SKIDA1: variants seen among roughly 807,000 people sequenced by gnomAD.
The protein encoded by SKIDA1 is SKI/DACH domain containing 1, also known as SKI/DACH domain-containing protein 1.
In SKIDA1, 18 loss-of-function variants were observed where a neutral mutation model predicts 51.4. That is an observed-to-expected ratio of 0.35 (90% CI 0.24 to 0.52). SKIDA1 has a LOEUF of 0.52. SKIDA1 is among the 20% of genes least tolerant of loss of function. The pLI is 0.95. For missense variants in SKIDA1, 1,104 were observed against 1,180.6 expected, an observed-to-expected ratio of 0.94 and a Z score of 0.95; for synonymous variants, 579 against 500.5, an observed-to-expected ratio of 1.16 and a Z score of -2.09.
At position 21,518,002 on chromosome 10, in the gene SKIDA1, G is replaced by A. The variant is rs41277380; in HGVS notation, c.-180C>T. 7.1e-6 allele frequency: 4 copies of A among 561,458 alleles called. No individual in the cohort carries two copies. The South Asian group carries it at 9.8e-5, about 14-fold the overall frequency. The allele number at this position is 561,458 out of a possible 1,614,324, so 34.8% of individuals were successfully genotyped here. A position where few individuals can be genotyped will look rare whatever the true frequency, so the allele number is the denominator to read the frequency against. ...GCCAAACTCTAGGCGAAATTATTGGGGGGGGGGAAACCCCATGAAATTACA... is the reference window on the plus strand; with the variant it reads ...GCCAAACTCTAGGCGAAATTATTGGAGGGGGGGAAACCCCATGAAATTACA... On this transcript the variant is annotated 5_prime_UTR_variant, in exon 4 of 4. Coordinates refer to ENST00000449193, the MANE Select transcript of SKIDA1 (RefSeq NM_207371.4).
At chr10:21,524,881 C>T (rs1437330331) in intron 1 of SKIDA1, 1 of 152,082 alleles carries the variant, frequency 6.6e-6, no homozygotes, top group Non-Finnish European at 1.5e-5. Context: ...CGTTTCAAGC[C>T]AAAAAGCTTG....
Position 21,517,284 on chromosome 10 carries a change from T to G in SKIDA1, c.539A>C (p.His180Pro), listed in dbSNP as rs562015153. The change falls in exon 4 of 4, where the codon CAC becomes CCC. Residue 180 changes from histidine (H) to proline (P), a missense_variant. His to Pro is a moderately conservative substitution (Grantham distance 77). Around this residue, in one of 3 missense-constraint regions of SKIDA1, gnomAD observed 938 missense variants for 886.4 expected, o/e 1.06. Coordinates refer to ENST00000449193, the MANE Select transcript of SKIDA1 (RefSeq NM_207371.4). This position sits in a 1 kb window ranked among gnomAD's most constrained non-coding sequence, Gnocchi z 6.9. ...CGGCGAGCGCACGATCTCCGGGTAGTGCGAGCCGGGGTATTTGCTAAAAAT... is the reference window on the plus strand; with the variant it reads ...CGGCGAGCGCACGATCTCCGGGTAGGGCGAGCCGGGGTATTTGCTAAAAAT... ...PQIFSKYPGS[H>P]YPEIVRSPCK... 6.8e-7 allele frequency: 1 copy of G among 1,468,588 alleles called. No individual in the cohort carries two copies. Among genetic ancestry groups the G allele is most frequent in the Non-Finnish European group, 9.0e-7 (1 of 1,107,962 alleles). 91.0% of individuals were successfully genotyped at this position (1,468,588 alleles called of 1,614,324 possible).
intron 3 of SKIDA1, among the ~76,000 whole-genome samples, chr10:21,520,109 C>T (rs2032350316): frequency 6.6e-6 from 1 of 152,170 alleles, no homozygotes; most frequent in Admixed American, 6.5e-5. Flanking sequence ...GAAATCAGAG[C>T]TACAGCAAAT....
chr10:21,521,725 A>G (rs901160746), intron 2 of SKIDA1, among the ~76,000 whole-genome samples: 21 of 152,248 alleles, frequency 1.4e-4, no homozygotes, highest in African/African-American at 5.1e-4. Flanking sequence ...TGCCTAATCT[A>G]CACACTATTG....
At position 21,517,948 on chromosome 10, in the gene SKIDA1, C is replaced by T; in HGVS notation, c.-126G>A. ...TCAAGGCATCCTGCTAATAAAATAA[C>T]AAAGACTGTTATTCCCGGCGAAGGA... On this transcript the variant is annotated 5_prime_UTR_variant, in exon 4 of 4. Transcript: ENST00000449193. The surrounding 1 kb of genome is among the most constrained non-coding windows in gnomAD (Gnocchi z 6.9). The T allele has an allele frequency of 1.1e-6, 1 of 878,096 alleles. No individual in the cohort carries two copies. Among genetic ancestry groups the T allele is most frequent in the Non-Finnish European group, 1.6e-6 (1 of 615,882 alleles). The allele number at this position is 878,096 out of a possible 1,614,324, so 54.4% of individuals were successfully genotyped here. A position where few individuals can be genotyped will look rare whatever the true frequency, so the allele number is the denominator to read the frequency against.
In SKIDA1 at chr10:21,516,643, T is replaced by C. The variant is rs1397085895; in HGVS notation, c.1180A>G (p.Asn394Asp). Reference protein sequence around the residue: ...ESSSYSDHAANDSDFGSSLSS... With the variant: ...ESSSYSDHAADDSDFGSSLSS... ...AAACTGGAGCCAAAATCCGAGTCGT[T>C]GGCCGCGTGGTCCGAGTAGGAGCTG... The change falls in exon 4 of 4, where the codon AAC becomes GAC. Residue 394 changes from asparagine (N) to aspartate (D), a missense_variant. This residue lies in a region of SKIDA1 where 938 missense variants were observed against 886.4 expected (regional missense o/e 1.06). Transcript: ENST00000449193. The surrounding 1 kb of genome is among the most constrained non-coding windows in gnomAD (Gnocchi z 5.7). The C allele has an allele frequency of 1.3e-6, 2 of 1,551,546 alleles. No homozygotes were observed. Among genetic ancestry groups the C allele is most frequent in the African/African-American group, 1.4e-5 (1 of 72,980 alleles).
intron 2 of SKIDA1, among the ~76,000 whole-genome samples, chr10:21,521,925 T>C (rs1257214712): frequency 6.6e-6 from 1 of 152,262 alleles, no homozygotes; most frequent in Non-Finnish European, 1.5e-5. Flanking sequence ...CCCATATGAA[T>C]GTGCTAGATT....
At position 21,515,766 on chromosome 10, in the gene SKIDA1, T is replaced by C. The variant is rs2032180127; in HGVS notation, c.2057A>G (p.Lys686Arg). 13 of 1,614,054 alleles carry C rather than the reference T, an allele frequency of 8.1e-6. No individual in the cohort carries two copies. The highest frequency in any genetic ancestry group is 1.0e-5 in the Non-Finnish European group (12 of 1,179,898). ...AGCACTACTGTCTTCTACTTTGATT[T>C]TAATATTGTGCAGAAATGGCAATGT... ...DKTLPFLHNI[K>R]IKVEDSSANE... Residue 686 changes from lysine (K) to arginine (R), a missense_variant, in exon 4 of 4, where the codon AAA becomes AGA. Around this residue, in one of 3 missense-constraint regions of SKIDA1, gnomAD observed 938 missense variants for 886.4 expected, o/e 1.06. Transcript: ENST00000449193.
At chr10:21,521,058 G>GCACA (rs139184900) in intron 3 of SKIDA1, among the ~76,000 whole-genome samples, 60,455 of 146,554 alleles carry the variant, frequency 0.41, 12,557 homozygotes, top group East Asian at 0.56. Flanking sequence ...ATGAGTGCAT[G>GCACA]CACACACACA....
Position 21,514,997 on chromosome 10 carries a change from A to AG in SKIDA1, c.*98dup. On this transcript the variant is annotated 3_prime_UTR_variant, in exon 4 of 4. Coordinates refer to ENST00000449193, the MANE Select transcript of SKIDA1 (RefSeq NM_207371.4). The stretch of plus-strand genomic sequence containing the variant: ...AAAATGCGATAAACCAGGACTCCAA[A>AG]GGGGGTGTAACACATTAATGGACTT... The AG allele has an allele frequency of 7.4e-7, 1 of 1,354,712 alleles. No homozygotes were observed. Among genetic ancestry groups the AG allele is most frequent in the Non-Finnish European group, 9.5e-7 (1 of 1,055,158 alleles). The allele number at this position is 1,354,712 out of a possible 1,614,324, so 83.9% of individuals were successfully genotyped here.
At chr10:21,525,036 A>G (rs1210690533) in intron 1 of SKIDA1, among the ~76,000 whole-genome samples, 1 of 152,204 alleles carries the variant, frequency 6.6e-6, no homozygotes, top group Admixed American at 6.5e-5. Flanking sequence ...AGTGTCAGCA[A>G]CTTGCAGCAG....
rs1292189709 is a variant in SKIDA1 at position 21,516,837 on chromosome 10, A to G, written c.986T>C (p.Val329Ala). Residue 329 changes from valine to alanine, a missense_variant, in exon 4 of 4, where the codon GTC (valine) becomes GCC (alanine). Coordinates refer to ENST00000449193, the MANE Select transcript of SKIDA1 (RefSeq NM_207371.4). The surrounding 1 kb of genome is among the most constrained non-coding windows in gnomAD (Gnocchi z 5.7). Reference sequence around the variant, plus strand: ...GTGCGGAGGCGGGCAGAAGCCGTTGACCAGATGAAACCTCTCCAGGCAAGT... The same window carrying G: ...GTGCGGAGGCGGGCAGAAGCCGTTGGCCAGATGAAACCTCTCCAGGCAAGT... ...GATCLERFHLVNGFCPPPHHH... is the reference protein window; with the variant it reads ...GATCLERFHLANGFCPPPHHH... The G allele has an allele frequency of 4.5e-6, 7 of 1,539,136 alleles. No individual in the cohort carries two copies. In the Admixed American group the frequency reaches 1.2e-4, roughly 26 times the overall value.
intron 2 of SKIDA1, among the ~76,000 whole-genome samples, chr10:21,522,266 A>ACCGCC (rs1564338473): frequency 3.3e-5 from 1 of 30,442 alleles, no homozygotes; most frequent in Non-Finnish European, 6.1e-5. Flanking sequence ...GATCACAGCC[A>ACCGCC]CCCCCCCCCC....
intron 3 of SKIDA1, among the ~76,000 whole-genome samples, chr10:21,519,961 G>C (rs1360039188): frequency 6.6e-6 from 1 of 151,626 alleles, no homozygotes; most frequent in African/African-American, 2.4e-5. Flanking sequence ...CAGGAGGTTG[G>C]GATTTGAAAA....
At position 21,514,328 on chromosome 10, in the gene SKIDA1, T is replaced by C. The variant is rs2032127431; in HGVS notation, c.*768A>G. 6.6e-6 allele frequency: 1 copy of C among 151,968 alleles called. No homozygotes were observed. Among genetic ancestry groups the C allele is most frequent in the African/African-American group, 2.4e-5 (1 of 41,358 alleles). The allele number at this position is 151,968 out of a possible 1,614,324, so 9.4% of individuals were successfully genotyped here. A position where few individuals can be genotyped will look rare whatever the true frequency, so the allele number is the denominator to read the frequency against. On this transcript the variant is annotated 3_prime_UTR_variant, in exon 4 of 4. Transcript: ENST00000449193. ...GTAAGAGTCACCTTATTTAAAACCT[T>C]TGGGTGAGAACACAAAACAGACTTT...
Position 21,516,959 on chromosome 10 carries a change from G to T in SKIDA1, c.864C>A (p.Gly288=). 8.6e-7 allele frequency: 1 copy of T among 1,156,134 alleles called. No homozygotes were observed. 71.6% of individuals were successfully genotyped at this position (1,156,134 alleles called of 1,614,324 possible). ...AKDCLLAPHA[G]ARRLLLLPRS... Reference sequence around the variant, plus strand: ...TGGGCAACAGCAGCAGGCGCCGCGCGCCGGCGTGAGGCGCGAGCAGGCAGT... The same window carrying T: ...TGGGCAACAGCAGCAGGCGCCGCGCTCCGGCGTGAGGCGCGAGCAGGCAGT... The change falls in exon 4 of 4, where the codon GGC becomes GGA. Residue 288 remains glycine, a synonymous_variant. Coordinates refer to ENST00000449193, the MANE Select transcript of SKIDA1 (RefSeq NM_207371.4). The surrounding 1 kb of genome is among the most constrained non-coding windows in gnomAD (Gnocchi z 5.7).
At chr10:21,519,790 C>T (rs2032342327) in intron 3 of SKIDA1, 132 bp from the exon 4 acceptor site, 1 of 161,956 alleles carries the variant, frequency 6.2e-6, no homozygotes, top group Admixed American at 6.5e-5. Context: ...AGGAATCAGA[C>T]ATACAAAAAG....
At chr10:21,520,014 G>T (rs746508987) in intron 3 of SKIDA1, among the ~76,000 whole-genome samples, 9 of 152,190 alleles carry the variant, frequency 5.9e-5, no homozygotes, top group Non-Finnish European at 1.3e-4. Context: ...AGATGTAATC[G>T]CCGCTCTTCA....
In SKIDA1 at chr10:21,517,112, G is replaced by A. The variant is rs1311665344; in HGVS notation, c.711C>T (p.Ala237=). 25 of 1,016,266 alleles carry A rather than the reference G, an allele frequency of 2.5e-5. No homozygotes were observed. In the African/African-American group the frequency reaches 3.2e-4, roughly 13 times the overall value. The allele number at this position is 1,016,266 out of a possible 1,614,324, so 63.0% of individuals were successfully genotyped here. A position where few individuals can be genotyped will look rare whatever the true frequency, so the allele number is the denominator to read the frequency against. ...AATAGGCGGCGGCGGCGGCGGCGGC[G>A]GCGGCGGCAGCAGCGGCGGCGGCGG... ...AAAAAAAAAA[A]AAAAAAAYYQ... is the part of the protein sequence containing the mutation. The change falls in exon 4 of 4, where the codon GCC becomes GCT. Residue 237 remains alanine, a synonymous_variant. Transcript: ENST00000449193. This position sits in a 1 kb window ranked among gnomAD's most constrained non-coding sequence, Gnocchi z 6.9.
Sources: allele counts gnomAD v4.1 joint callset (sites outside exome capture counted in the v4.1 genomes callset), GRCh38; gene constraint gnomAD v4.1.1; regional missense constraint gnomAD v4.1.1; non-coding constraint Gnocchi (gnomAD v3.1); transcripts MANE v1.5; gene names NCBI Gene and HGNC (gene_info 2026-07-23, HGNC 2026-07-21).